KIF13B: variants seen among roughly 807,000 people sequenced by gnomAD.
KIF13B encodes the protein kinesin family member 13B.
A neutral mutation model predicts 222.0 loss-of-function variants in KIF13B; 127 were observed. The ratio of observed to expected loss-of-function variants is 0.57; its 90% confidence interval spans 0.50 to 0.66. KIF13B has a LOEUF of 0.66. Ranked by LOEUF, KIF13B falls within the 30% of genes least tolerant of loss-of-function variation. The pLI is 0.00. For synonymous variants in KIF13B, 976 were observed against 919.0 expected, an observed-to-expected ratio of 1.06 and a Z score of -1.12; for missense variants, 2,173 against 2,379.0, an observed-to-expected ratio of 0.91 and a Z score of 1.80.
intron 2 of KIF13B, among the ~76,000 whole-genome samples, chr8:29,222,501 A>C (rs1257495797): frequency 1.4e-5 from 2 of 139,786 alleles, no homozygotes; most frequent in Non-Finnish European, 3.0e-5. Context: ...CCTGAGCTCA[A>C]GTCCCACACC....
chr8:29,196,815 G>A (rs979509281), intron 2 of KIF13B, among the ~76,000 whole-genome samples: 3 of 152,234 alleles, frequency 2.0e-5, no homozygotes, highest in East Asian at 1.9e-4. Flanking sequence ...TCCCAAATCC[G>A]AAAATCCAAA....
At chr8:29,234,220 G>A (rs1042518942) in intron 2 of KIF13B, among the ~76,000 whole-genome samples, 3 of 152,108 alleles carry the variant, frequency 2.0e-5, no homozygotes, top group African/African-American at 7.2e-5. Flanking sequence ...GCACACCCAT[G>A]TTCACAGCAG....
intron 36 of KIF13B, among the ~76,000 whole-genome samples, 161 bp downstream of exon 36, chr8:29,098,972 T>C (rs946366705): frequency 5.3e-5 from 8 of 152,198 alleles, no homozygotes; most frequent in Non-Finnish European, 8.8e-5. Flanking sequence ...CAATCCAACA[T>C]TCCAGAGCCA....
At chr8:29,258,022 C>T (rs1053968621) in intron 1 of KIF13B, among the ~76,000 whole-genome samples, 2 of 152,196 alleles carry the variant, frequency 1.3e-5, no homozygotes, top group African/African-American at 4.8e-5. Context: ...CAAGCAGATG[C>T]TGACAAAACA....
intron 26 of KIF13B, 147 bp downstream of exon 26, chr8:29,126,335 G>C (rs1810108030): frequency 9.8e-6 from 6 of 609,524 alleles, no homozygotes; most frequent in Non-Finnish European, 1.8e-5. Context: ...AACACTCAAT[G>C]TTCCCTACTC....
chr8:29,146,244 C>A, intron 18 of KIF13B, 134 bp downstream of exon 18: 1 of 869,230 alleles, frequency 1.2e-6, no homozygotes, highest in East Asian at 2.5e-5. Context: ...CAATTCTACC[C>A]AAAAGCATGG....
At chr8:29,224,792 T>C (rs1220845551) in intron 2 of KIF13B, among the ~76,000 whole-genome samples, 1 of 152,194 alleles carries the variant, frequency 6.6e-6, no homozygotes. Context: ...AAATGTTAAT[T>C]AGTTATTCCT....
chr8:29,157,902 A>G (rs1000701592), intron 13 of KIF13B, among the ~76,000 whole-genome samples: 2 of 151,850 alleles, frequency 1.3e-5, no homozygotes, highest in Non-Finnish European at 2.9e-5. Context: ...TAAAGCCCAA[A>G]TTCTTACCCG....
At chr8:29,155,212 G>C (rs1811464356) in intron 14 of KIF13B, among the ~76,000 whole-genome samples, 1 of 152,124 alleles carries the variant, frequency 6.6e-6, no homozygotes, top group Admixed American at 6.5e-5. Flanking sequence ...GGGGTAATAA[G>C]GGTTCACAGC....
intron 21 of KIF13B, among the ~76,000 whole-genome samples, chr8:29,135,311 C>G (rs962578727): frequency 9.2e-5 from 14 of 152,114 alleles, no homozygotes; most frequent in Non-Finnish European, 1.3e-4. Context: ...TCCCAAAATA[C>G]TGGGATTATA....
intron 15 of KIF13B, among the ~76,000 whole-genome samples, chr8:29,148,978 G>A (rs952668515): frequency 2.6e-5 from 4 of 152,192 alleles, no homozygotes; most frequent in African/African-American, 9.7e-5. Context: ...TAGGCCACAC[G>A]CCTGTGACAA....
intron 37 of KIF13B, among the ~76,000 whole-genome samples, chr8:29,086,732 A>C (rs1273623630): frequency 6.6e-6 from 1 of 152,148 alleles, no homozygotes; most frequent in East Asian, 1.9e-4. Flanking sequence ...TATTAGTATC[A>C]CTATTTCCCC....
At chr8:29,107,727 G>GT (rs1055313335) in intron 35 of KIF13B, among the ~76,000 whole-genome samples, 8 of 151,832 alleles carry the variant, frequency 5.3e-5, no homozygotes, top group Non-Finnish European at 7.4e-5. Flanking sequence ...CGCCTGACTA[G>GT]TTTTTTGTAT....
chr8:29,183,531 T>C (rs1480175289), intron 6 of KIF13B, among the ~76,000 whole-genome samples: 22 of 152,216 alleles, frequency 1.4e-4, no homozygotes, highest in Admixed American at 1.4e-3. Flanking sequence ...CATGCTCCTT[T>C]ATAATCTGCT....
At chr8:29,169,590 A>AT (rs1812149166) in intron 10 of KIF13B, among the ~76,000 whole-genome samples, 1 of 152,340 alleles carries the variant, frequency 6.6e-6, no homozygotes, top group East Asian at 1.9e-4. Flanking sequence ...CACAGAAAAC[A>AT]TAATTATATT....
intron 22 of KIF13B, among the ~76,000 whole-genome samples, chr8:29,133,097 A>AT (rs1298526076): frequency 2.6e-5 from 4 of 152,166 alleles, no homozygotes; most frequent in African/African-American, 9.7e-5. Context: ...CTTTAAACGG[A>AT]TTAGAAAGAG....
intron 3 of KIF13B, among the ~76,000 whole-genome samples, chr8:29,191,745 G>A (rs549664526): frequency 2.1e-4 from 32 of 152,140 alleles, no homozygotes; most frequent in Non-Finnish European, 1.2e-4. Context: ...TGCACTGTTT[G>A]AAAAGCTTCT....
intron 2 of KIF13B, among the ~76,000 whole-genome samples, chr8:29,221,256 C>T (rs1379354102): frequency 1.3e-5 from 2 of 151,882 alleles, no homozygotes; most frequent in Non-Finnish European, 2.9e-5. Context: ...GCATGTGCCA[C>T]CACACCAAGC....
At position 29,245,338 on chromosome 8, in the gene KIF13B, T is replaced by A. The variant is rs573771137; in HGVS notation, c.149+8A>T. The A allele has an allele frequency of 1.3e-6, 2 of 1,575,002 alleles. No individual in the cohort carries two copies. Among genetic ancestry groups the A allele is most frequent in the Middle Eastern group, 1.7e-4 (1 of 6,000 alleles). On this transcript the variant is annotated splice_region_variant and intron_variant, in intron 2 of 39. Coordinates refer to ENST00000524189, the MANE Select transcript of KIF13B (RefSeq NM_015254.4). Reference sequence around the variant, plus strand: ...ATCCATTGAGCACAGCACTGTTTCTTAACTCACCGGGCATCTCCTTTGGAA... The same window carrying A: ...ATCCATTGAGCACAGCACTGTTTCTAAACTCACCGGGCATCTCCTTTGGAA...
Sources: gnomAD v4.1 joint callset for allele counts (sites outside exome capture counted in the v4.1 genomes callset) on GRCh38, gnomAD v4.1.1 for gene constraint, MANE v1.5 for transcripts, NCBI Gene and HGNC (gene_info 2026-07-23, HGNC 2026-07-21) for gene names.